The following NIPAL2 variants were observed in gnomAD, a reference collection of about 807,000 sequenced individuals.
NIPAL2 encodes the protein NIPA like domain containing 2.
In NIPAL2, 43 loss-of-function variants were observed where a neutral mutation model predicts 48.9. The observed-to-expected ratio is 0.88, with a 90% confidence interval of 0.69 to 1.13. The LOEUF (loss-of-function observed/expected upper bound fraction) is 1.13, where lower values mean the gene tolerates loss of function less well. Among genes scored for constraint, NIPAL2 ranks in the 50% most tolerant of loss-of-function variants. The probability of loss-of-function intolerance (pLI) is 0.00; values close to 1 mark genes in which losing one functional copy is unlikely to be tolerated. For synonymous variants in NIPAL2, 167 were observed against 174.6 expected (o/e 0.96, Z 0.34); for missense variants, 446 against 461.4 (o/e 0.97, Z 0.31).
chr8:98,199,478 G>A (rs1335392467), intron 8 of NIPAL2, among the ~76,000 whole-genome samples: 5 of 152,136 alleles, frequency 3.3e-5, no homozygotes, highest in Admixed American at 3.3e-4. Flanking sequence ...CAATATTATT[G>A]TGTCTCAGGG....
intron 5 of NIPAL2, among the ~76,000 whole-genome samples, chr8:98,222,042 C>G (rs1218612599): frequency 6.6e-6 from 1 of 152,110 alleles, no homozygotes; most frequent in African/African-American, 2.4e-5. Context: ...CCCAAATGTC[C>G]ATCAATGATA....
rs1017265916 is a variant in NIPAL2 at position 98,236,045 on chromosome 8, C to T, written c.436+110G>A. ...GCCTGACTCTAAATGAGACTTACAC[C>T]CATTTCAGTAATTTGTTTCCAGTTT... On this transcript the variant is annotated intron_variant, in intron 4 of 10. Transcript: ENST00000430223. 4 of 733,664 alleles carry T rather than the reference C, an allele frequency of 5.5e-6. No homozygotes were observed. The Admixed American group carries it at 9.9e-5, about 18-fold the overall frequency. 45.4% of individuals were successfully genotyped at this position (733,664 alleles called of 1,614,324 possible).
rs1446180580 is a variant in NIPAL2 at position 98,242,493 on chromosome 8, T to TTGTTTTTTTTTG, written c.377-6280_377-6279insCAAAAAAAAACA. Reference sequence around the variant, plus strand: ...AAAGCCACTGCACCTGACAGATTTTTTTTTTTTTTTTTTTAACTGAGCCTG... The same window carrying TTGTTTTTTTTTG: ...AAAGCCACTGCACCTGACAGATTTTTTGTTTTTTTTTGTTTTTTTTTTTTTTAACTGAGCCTG... On this transcript the variant is annotated intron_variant, in intron 3 of 10. Coordinates refer to ENST00000430223, the MANE Select transcript of NIPAL2 (RefSeq NM_001321635.2). Among the ~76,000 whole-genome samples, 155 of 142,806 alleles carry TTGTTTTTTTTTG rather than the reference T, an allele frequency of 1.1e-3. 1 individual carries two copies. The highest frequency in any genetic ancestry group is 7.1e-3 in the Middle Eastern group (2 of 280). 93.7% of individuals were successfully genotyped at this position (142,806 alleles called of 152,430 possible).
At chr8:98,219,766 G>A (rs1811756973) in intron 5 of NIPAL2, among the ~76,000 whole-genome samples, 1 of 152,116 alleles carries the variant, frequency 6.6e-6, no homozygotes, top group Non-Finnish European at 1.5e-5. Flanking sequence ...TCAACACTGT[G>A]TGTACAAGCT....
At chr8:98,252,245 C>A in intron 3 of NIPAL2, 1 of 468,434 alleles carries the variant, frequency 2.1e-6, no homozygotes, top group Non-Finnish European at 3.7e-6. Flanking sequence ...GGCTTTCACA[C>A]ATAGGTGTTA....
intron 1 of NIPAL2, among the ~76,000 whole-genome samples, chr8:98,280,660 C>G (rs1419847635): frequency 6.7e-6 from 1 of 149,776 alleles, no homozygotes; most frequent in Non-Finnish European, 1.5e-5. Context: ...GACATCCAAA[C>G]TCTTAGAGAT....
At chr8:98,283,676 G>T (rs981513401) in intron 1 of NIPAL2, among the ~76,000 whole-genome samples, 2 of 152,222 alleles carry the variant, frequency 1.3e-5, no homozygotes, top group African/African-American at 4.8e-5. Context: ...AAAGCTGGAT[G>T]CTGTGAGCTC....
Position 98,192,488 on chromosome 8 carries a change from A to C in NIPAL2, c.*490T>G. ...TTCAGAAAAGATGACTTGCAATTCT[A>C]ACTTAGTACTTGAAAGGTGAGATTT... On this transcript the variant is annotated 3_prime_UTR_variant, in exon 11 of 11. Transcript: ENST00000430223. 6.5e-6 allele frequency: 1 copy of C among 153,064 alleles called. No homozygotes were observed. The allele number at this position is 153,064 out of a possible 1,614,324, so 9.5% of individuals were successfully genotyped here.
In NIPAL2 at chr8:98,288,085, A is replaced by T. The variant is rs1019030554; in HGVS notation, c.135+5918T>A. Among the ~76,000 whole-genome samples, 6 of 151,986 alleles carry T rather than the reference A, an allele frequency of 3.9e-5. No homozygotes were observed. In the South Asian group the frequency reaches 6.2e-4, roughly 16 times the overall value. ...TTTAAGTTTTAGGGTACATGTGCAC[A>T]TTGTGCAGGTTAGTTACATATGTAT... On this transcript the variant is annotated intron_variant, in intron 1 of 10. Transcript: ENST00000430223.
At chr8:98,282,525 C>T (rs544514801) in intron 1 of NIPAL2, among the ~76,000 whole-genome samples, 1 of 151,982 alleles carries the variant, frequency 6.6e-6, no homozygotes, top group South Asian at 2.1e-4. Context: ...GAAACAATAC[C>T]AGCTGGGCGT....
At chr8:98,223,758 TA>T (rs1158447715) in intron 4 of NIPAL2, among the ~76,000 whole-genome samples, 4 of 152,254 alleles carry the variant, frequency 2.6e-5, no homozygotes, top group African/African-American at 9.6e-5. Flanking sequence ...TGTAACAATT[TA>T]TTCTGTAATA....
intron 1 of NIPAL2, among the ~76,000 whole-genome samples, chr8:98,274,041 A>G (rs969622169): frequency 2.0e-5 from 3 of 151,976 alleles, no homozygotes; most frequent in Non-Finnish European, 4.4e-5. Flanking sequence ...AATTATTTCT[A>G]ATTTTATTAA....
intron 1 of NIPAL2, among the ~76,000 whole-genome samples, chr8:98,273,489 C>A (rs1815259630): frequency 6.6e-6 from 1 of 151,998 alleles, no homozygotes; most frequent in Admixed American, 6.6e-5. Flanking sequence ...AAAGATTGTA[C>A]ACTTTAAATG....
chr8:98,220,264 C>T (rs1465114437), intron 5 of NIPAL2, among the ~76,000 whole-genome samples: 2 of 152,100 alleles, frequency 1.3e-5, no homozygotes, highest in African/African-American at 4.8e-5. Flanking sequence ...AGACATGTCC[C>T]TGTAAATGCC....
intron 8 of NIPAL2, among the ~76,000 whole-genome samples, chr8:98,199,633 G>A (rs1247626137): frequency 6.6e-6 from 1 of 152,096 alleles, no homozygotes; most frequent in Admixed American, 6.5e-5. Context: ...TAGCATTAAA[G>A]ATCACTGATC....
intron 1 of NIPAL2, among the ~76,000 whole-genome samples, chr8:98,261,591 A>G (rs1262892701): frequency 1.1e-4 from 12 of 106,640 alleles, no homozygotes; most frequent in Non-Finnish European, 1.1e-4. Flanking sequence ...AAGAATAAAA[A>G]GAAATGAGCA....
At chr8:98,253,789 C>A (rs1813726790) in intron 2 of NIPAL2, among the ~76,000 whole-genome samples, 1 of 152,076 alleles carries the variant, frequency 6.6e-6, no homozygotes, top group Non-Finnish European at 1.5e-5. Flanking sequence ...TCAGAGACCA[C>A]TCCATCCTGC....
At chr8:98,226,080 C>A (rs938212944) in intron 4 of NIPAL2, among the ~76,000 whole-genome samples, 39 of 151,956 alleles carry the variant, frequency 2.6e-4, no homozygotes, top group Non-Finnish European at 4.4e-5. Flanking sequence ...ATTTCAATTT[C>A]TTTGTTAAAT....
At chr8:98,239,786 C>A (rs1479841377) in intron 3 of NIPAL2, among the ~76,000 whole-genome samples, 1 of 152,100 alleles carries the variant, frequency 6.6e-6, no homozygotes, top group Non-Finnish European at 1.5e-5. Flanking sequence ...CATTTACTTT[C>A]AACTCATTTA....
Sources: gnomAD v4.1 joint callset for allele counts (sites outside exome capture counted in the v4.1 genomes callset) on GRCh38, gnomAD v4.1.1 for gene constraint, MANE v1.5 for transcripts, NCBI Gene and HGNC (gene_info 2026-07-23, HGNC 2026-07-21) for gene names.